Variants in RBM6 observed in about 807,000 individuals in gnomAD.
The protein encoded by RBM6 is RNA-binding protein 6.
RBM6 carries 23 observed loss-of-function variants against 140.4 expected under a neutral mutation model. The ratio of observed to expected loss-of-function variants is 0.16; its 90% CI spans 0.12 to 0.23. The LOEUF (loss-of-function observed/expected upper bound fraction) is 0.23, where lower values mean the gene tolerates loss of function less well. Among genes scored for constraint, RBM6 ranks in the 10% least tolerant of loss-of-function variants. RBM6 has a pLI of 1.00. For missense variants in RBM6, 1,139 were observed against 1,386.7 expected, an observed-to-expected ratio of 0.82 and a Z score of 2.84; for synonymous variants, 439 against 475.6, an observed-to-expected ratio of 0.92 and a Z score of 1.00.
intron 1 of RBM6, among the ~76,000 whole-genome samples, chr3:49,951,178 T>C (rs1023827289): frequency 1.6e-4 from 25 of 152,258 alleles, no homozygotes; most frequent in Admixed American, 4.6e-4. Context: ...TTGTCAGGGA[T>C]GGTGTGAGGG....
At chr3:49,988,073 C>T (rs1011890703) in intron 5 of RBM6, among the ~76,000 whole-genome samples, 2 of 152,148 alleles carry the variant, frequency 1.3e-5, no homozygotes, top group Admixed American at 6.6e-5. Flanking sequence ...ATTTGTGGGA[C>T]TCAACTGATT....
Position 50,061,153 on chromosome 3 carries a change from T to G in RBM6, c.2285T>G (p.Phe762Cys). ...HMHYYQGKKY[F>C]RDRRGGGRNS... ...TTTCTGTGATAGGGTAAAAAATATT[T>G]CCGAGATAGGAGGGGAGGTGGCAGA... Residue 762 changes from phenylalanine (F) to cysteine (C), a missense_variant, in exon 13 of 21, where the codon TTC (phenylalanine) becomes TGC (cysteine). Physicochemically the swap from Phe to Cys is radical, Grantham distance 205 (BLOSUM62 -2). Coordinates refer to ENST00000266022, the MANE Select transcript of RBM6 (RefSeq NM_005777.3). 6.2e-7 allele frequency: 1 copy of G among 1,614,196 alleles called. No individual in the cohort carries two copies. Among genetic ancestry groups the G allele is most frequent in the Non-Finnish European group, 8.5e-7 (1 of 1,180,036 alleles).
chr3:50,010,434 A>C (rs2086788143), intron 6 of RBM6, among the ~76,000 whole-genome samples: 1 of 152,038 alleles, frequency 6.6e-6, no homozygotes, highest in Admixed American at 6.6e-5. Flanking sequence ...TAACTGATTG[A>C]TACAGGGTCT....
chr3:50,050,172 T>C (rs1277252269), intron 7 of RBM6, among the ~76,000 whole-genome samples: 2 of 152,094 alleles, frequency 1.3e-5, no homozygotes, highest in Non-Finnish European at 2.9e-5. Flanking sequence ...TAGCCTCAGA[T>C]CTTTTTTAAA....
In RBM6 at chr3:49,967,498, G is replaced by A. The variant is rs749793158; in HGVS notation, c.73G>A (p.Gly25Arg). The change falls in exon 3 of 21, where the codon GGG (glycine) becomes AGG (arginine). Residue 25 changes from glycine to arginine, a missense_variant. Gly to Arg is a moderately radical substitution (Grantham distance 125). Transcript: ENST00000266022. The surrounding 1 kb of genome is among the most constrained non-coding windows in gnomAD (Gnocchi z 4.0). ...GAGCCAAGAAGAAAGGTTTGCTCCCGGGTGGAACAGGGATTATCCTCCTCC... is the reference window on the plus strand; with the variant it reads ...GAGCCAAGAAGAAAGGTTTGCTCCCAGGTGGAACAGGGATTATCCTCCTCC... ...RGSQEERFAPGWNRDYPPPPL... is the reference protein window; with the variant it reads ...RGSQEERFAPRWNRDYPPPPL... The A allele has an allele frequency of 7.4e-6, 12 of 1,613,852 alleles. No homozygotes were observed. The highest frequency in any genetic ancestry group is 2.2e-5 in the East Asian group (1 of 44,888).
At chr3:49,950,855 CAAAGAA>C (rs2083700112) in intron 1 of RBM6, among the ~76,000 whole-genome samples, 1 of 151,602 alleles carries the variant, frequency 6.6e-6, no homozygotes, top group African/African-American at 2.4e-5. Flanking sequence ...TAATTGAAAA[CAAAGAA>C]AAAGAAAAAC....
chr3:50,006,420 G>A (rs2086577548), intron 6 of RBM6, among the ~76,000 whole-genome samples: 1 of 152,082 alleles, frequency 6.6e-6, no homozygotes, highest in South Asian at 2.1e-4. Context: ...ACACATGTGA[G>A]CCACTGTGCC....
chr3:49,944,937 C>T (rs975550176), intron 1 of RBM6, among the ~76,000 whole-genome samples: 2 of 145,930 alleles, frequency 1.4e-5, no homozygotes, highest in Admixed American at 1.4e-4. Context: ...AGTGCAGTGG[C>T]GTGATCTCGG....
chr3:50,018,158 A>G (rs2087267006), intron 6 of RBM6, among the ~76,000 whole-genome samples: 1 of 152,090 alleles, frequency 6.6e-6, no homozygotes, highest in African/African-American at 2.4e-5. Context: ...TGCCCTAGAA[A>G]CCCTCTTTTC....
At chr3:50,075,443 G>A in intron 20 of RBM6, 113 bp downstream of exon 20, 2 of 1,393,406 alleles carry the variant, frequency 1.4e-6, no homozygotes, top group Admixed American at 2.1e-5. Context: ...TCTACTGCTG[G>A]GATAGGACAT....
chr3:49,967,833 G>A lies in RBM6; in HGVS notation c.408G>A (p.Arg136=). ...GAGAAGGACCACCTATGGACTATAG[G>A]GGTGGAGATGGTACTTCTATGGATT... ...RDREGPPMDY[R]GGDGTSMDYR... is the part of the protein sequence containing the mutation. Residue 136 remains arginine, a synonymous_variant, in exon 3 of 21, where the codon AGG becomes AGA. Coordinates refer to ENST00000266022, the MANE Select transcript of RBM6 (RefSeq NM_005777.3). This position sits in a 1 kb window ranked among gnomAD's most constrained non-coding sequence, Gnocchi z 4.0. 1.9e-6 allele frequency: 3 copies of A among 1,614,102 alleles called. No individual in the cohort carries two copies. Among genetic ancestry groups the A allele is most frequent in the Middle Eastern group, 1.6e-4 (1 of 6,062 alleles).
chr3:49,951,427 C>T (rs1455396440), intron 1 of RBM6, among the ~76,000 whole-genome samples: 2 of 151,770 alleles, frequency 1.3e-5, no homozygotes, highest in Admixed American at 1.3e-4. Flanking sequence ...AAGGTTTTGC[C>T]ATGTTGCCCA....
Position 50,033,941 on chromosome 3 carries a change from G to C in RBM6, c.1558-14304G>C, listed in dbSNP as rs529545784. 3.9e-5 allele frequency among the ~76,000 whole-genome samples: 6 copies of C among 152,022 alleles called. No individual in the cohort carries two copies. In the East Asian group the frequency reaches 1.2e-3, roughly 29 times the overall value. ...AGGACTGAGCCACAGCACTTGGCCG[G>C]ATATAGTTTTTCTATGTGTGTTTTT... is the stretch of plus-strand genomic sequence containing the variant. On this transcript the variant is annotated intron_variant, in intron 6 of 20. Transcript: ENST00000266022.
intron 6 of RBM6, among the ~76,000 whole-genome samples, chr3:50,038,227 G>A (rs2088662987): frequency 6.6e-6 from 1 of 152,130 alleles, no homozygotes; most frequent in African/African-American, 2.4e-5. Flanking sequence ...AGTGAGGCCT[G>A]TACAGTATCT....
chr3:49,979,763 C>T (rs1238706892), intron 5 of RBM6, among the ~76,000 whole-genome samples: 1 of 152,024 alleles, frequency 6.6e-6, no homozygotes, highest in Admixed American at 6.6e-5. Context: ...TTTAAAAAGG[C>T]TACATACTAT....
chr3:49,993,265 A>G (rs1025274373), intron 5 of RBM6, among the ~76,000 whole-genome samples: 2 of 152,214 alleles, frequency 1.3e-5, no homozygotes, highest in Non-Finnish European at 2.9e-5. Context: ...TTAATTTTGG[A>G]CTTAAAGCAA....
At chr3:50,066,076 C>G (rs1250737502) in intron 16 of RBM6, among the ~76,000 whole-genome samples, 166 bp from the exon 17 acceptor site, 2 of 152,178 alleles carry the variant, frequency 1.3e-5, no homozygotes, top group Admixed American at 1.3e-4. Context: ...AGGAGCAAAG[C>G]CAAGCTCTGG....
intron 5 of RBM6, among the ~76,000 whole-genome samples, chr3:49,998,940 G>A (rs138779642): frequency 4.7e-4 from 72 of 152,064 alleles, no homozygotes; most frequent in African/African-American, 1.7e-3. Context: ...GCCTCAGTCT[G>A]TCAGCACTTC....
chr3:50,062,025 C>T lies in RBM6; in HGVS notation c.2503C>T (p.Pro835Ser). 1 of 1,613,644 alleles carries T rather than the reference C, an allele frequency of 6.2e-7. No homozygotes were observed. Among genetic ancestry groups the T allele is most frequent in the Non-Finnish European group, 8.5e-7 (1 of 1,179,826 alleles). ...GGAAGAAGAGATCAAGGAAAAAAAA[C>T]CCACCAGTCAAGGAAAGTCAAGTAG... ...PEEEEIKEKK[P>S]TSQGKSSSKK... Residue 835 changes from proline to serine, a missense_variant, in exon 15 of 21, where the codon CCC becomes TCC. Pro to Ser is a moderately conservative substitution (Grantham distance 74, BLOSUM62 -1). Transcript: ENST00000266022.
Sources: gnomAD v4.1 joint callset for allele counts (sites outside exome capture counted in the v4.1 genomes callset) on GRCh38, gnomAD v4.1.1 for gene constraint, Gnocchi (gnomAD v3.1) non-coding constraint, MANE v1.5 for transcripts, NCBI Gene and HGNC (gene_info 2026-07-23, HGNC 2026-07-21) for gene names.